Variants in BCKDHB observed in about 807,000 individuals in gnomAD.
BCKDHB encodes the protein branched chain keto acid dehydrogenase E1 subunit beta.
A neutral mutation model predicts 48.5 loss-of-function variants in BCKDHB; 41 were observed. The ratio of observed to expected loss-of-function variants is 0.85; its 90% CI spans 0.66 to 1.10. BCKDHB has a LOEUF of 1.10. Ranked by LOEUF, BCKDHB falls within the 50% of genes least tolerant of loss-of-function variation. The probability of loss-of-function intolerance (pLI) is 0.00; values close to 1 mark genes in which losing one functional copy is unlikely to be tolerated. For missense variants in BCKDHB, 496 were observed against 494.2 expected (o/e 1.00, Z -0.03); for synonymous variants, 201 against 174.8 (o/e 1.15, Z -1.18).
At chr6:80,386,692 A>G in the BCKDHB span, among the ~76,000 whole-genome samples, 1 of 152,238 alleles carries the variant, frequency 6.6e-6, no homozygotes, top group South Asian at 2.1e-4. Context: ...CAATCAGAAT[A>G]GTAGGACTTG....
intron 8 of BCKDHB, among the ~76,000 whole-genome samples, chr6:80,254,594 G>A (rs1419820054): frequency 1.3e-5 from 2 of 152,112 alleles, no homozygotes; most frequent in African/African-American, 4.8e-5. Flanking sequence ...CATCTACTCT[G>A]TAGGTTGAGG....
intron 3 of BCKDHB, among the ~76,000 whole-genome samples, chr6:80,142,800 T>G (rs1401995914): frequency 6.6e-6 from 1 of 152,126 alleles, no homozygotes; most frequent in Admixed American, 6.6e-5. Context: ...GTGAAGGAAT[T>G]AAAAATGGGC....
rs926731 is a variant in BCKDHB, at chr6:80,344,108, G to A, written c.*304G>A. On this transcript the variant is annotated 3_prime_UTR_variant, in exon 10 of 10. Transcript: ENST00000320393. ...CTCCCCCCTACCCCTGAGTTCAAGC[G>A]ATTCTCCTGCCTCAGCCTGCTGAGT... The A allele has an allele frequency of 0.78, 297,014 of 379,764 alleles. 117,451 individuals are homozygous for A. Among genetic ancestry groups the A allele is most frequent in the Admixed American group, 0.84 (22,163 of 26,362 alleles). The allele number at this position is 379,764 out of a possible 1,614,324, so 23.5% of individuals were successfully genotyped here.
intron 6 of BCKDHB, among the ~76,000 whole-genome samples, chr6:80,180,833 T>C (rs1228442366): frequency 2.6e-5 from 4 of 152,240 alleles, no homozygotes; most frequent in Non-Finnish European, 5.9e-5. Context: ...CAGATTAATT[T>C]GTGCGGGTTA....
At chr6:80,315,429 A>C (rs1330356300) in intron 9 of BCKDHB, among the ~76,000 whole-genome samples, 1 of 151,696 alleles carries the variant, frequency 6.6e-6, no homozygotes, top group East Asian at 1.9e-4. Flanking sequence ...ACCTCACCAT[A>C]CTTTTCTTCA....
chr6:80,311,740 G>T (rs1378872546), intron 9 of BCKDHB, among the ~76,000 whole-genome samples: 1 of 152,104 alleles, frequency 6.6e-6, no homozygotes, highest in African/African-American at 2.4e-5. Flanking sequence ...TGTTATAGGT[G>T]TGTGGTTCTA....
chr6:80,431,387 G>T, the BCKDHB span, among the ~76,000 whole-genome samples: 1 of 152,138 alleles, frequency 6.6e-6, no homozygotes, highest in East Asian at 1.9e-4. Flanking sequence ...TTAATTTTCT[G>T]TCTCATTGAT....
intron 3 of BCKDHB, among the ~76,000 whole-genome samples, chr6:80,165,426 G>T (rs148191757): frequency 1.1e-4 from 17 of 152,096 alleles, no homozygotes; most frequent in Non-Finnish European, 1.8e-4. Flanking sequence ...TGTCTGGTCG[G>T]CATTTCCCAA....
the BCKDHB span, among the ~76,000 whole-genome samples, chr6:80,460,374 G>A: frequency 6.6e-6 from 1 of 152,082 alleles, no homozygotes; most frequent in East Asian, 1.9e-4. Context: ...CTAATGCAGA[G>A]GCACTTGCTT....
At chr6:80,280,522 A>G (rs1159286106) in intron 9 of BCKDHB, among the ~76,000 whole-genome samples, 1 of 152,116 alleles carries the variant, frequency 6.6e-6, no homozygotes, top group African/African-American at 2.4e-5. Context: ...ATAGTGGAGC[A>G]TAAATAGAAA....
the BCKDHB span, chr6:80,374,293 G>A: frequency 3.2e-6 from 3 of 935,728 alleles, no homozygotes; most frequent in Admixed American, 5.2e-5. Context: ...TTAAGCATGT[G>A]CAGCAAAAAT....
rs1295335474 is a variant in BCKDHB at position 80,127,435 on chromosome 6, AAT to A, written c.197-109_197-108del. 27 of 867,116 alleles carry A rather than the reference AAT, an allele frequency of 3.1e-5. No individual in the cohort carries two copies. In the East Asian group the frequency reaches 6.2e-4, roughly 20 times the overall value. The allele number at this position is 867,116 out of a possible 1,614,324, so 53.7% of individuals were successfully genotyped here. A position where few individuals can be genotyped will look rare whatever the true frequency, so the allele number is the denominator to read the frequency against. ...TTGTAAATAATTCAGCAATTTGCAT[AAT>A]ATCTTTCTTTGTACCTTGATTTTAG... On this transcript the variant is annotated intron_variant, in intron 1 of 9. Coordinates refer to ENST00000320393, the MANE Select transcript of BCKDHB (RefSeq NM_183050.4).
At chr6:80,146,424 C>G (rs1213911869) in intron 3 of BCKDHB, among the ~76,000 whole-genome samples, 1 of 152,104 alleles carries the variant, frequency 6.6e-6, no homozygotes, top group Non-Finnish European at 1.5e-5. Flanking sequence ...AAAATGGCAA[C>G]TGAGACTTCT....
chr6:80,139,432 T>C (rs1771068756), intron 3 of BCKDHB, among the ~76,000 whole-genome samples: 1 of 152,144 alleles, frequency 6.6e-6, no homozygotes, highest in Non-Finnish European at 1.5e-5. Context: ...TTTTTATGGT[T>C]TTAGGTCTAA....
intron 9 of BCKDHB, among the ~76,000 whole-genome samples, chr6:80,337,466 G>A (rs1251305497): frequency 6.6e-6 from 1 of 151,964 alleles, no homozygotes; most frequent in Non-Finnish European, 1.5e-5. Flanking sequence ...GGACTAAATG[G>A]TGTTCCAATT....
intron 8 of BCKDHB, among the ~76,000 whole-genome samples, chr6:80,242,807 A>G (rs973530259): frequency 6.6e-6 from 1 of 152,072 alleles, no homozygotes; most frequent in African/African-American, 2.4e-5. Flanking sequence ...CTGGGGTATA[A>G]TAGTCCACTG....
At position 80,189,290 on chromosome 6, in the gene BCKDHB, G is replaced by A. The variant is rs571134659; in HGVS notation, c.743-11644G>A. Among the ~76,000 whole-genome samples, 4 of 152,168 alleles carry A rather than the reference G, an allele frequency of 2.6e-5. No individual in the cohort carries two copies. In the East Asian group the frequency reaches 7.7e-4, roughly 29 times the overall value. Reference sequence around the variant, plus strand: ...AGTTCAAGTGACTTAAATGCACTGAGCATCCAGCTGAGGTTAAAAATTTAC... The same window carrying A: ...AGTTCAAGTGACTTAAATGCACTGAACATCCAGCTGAGGTTAAAAATTTAC... On this transcript the variant is annotated intron_variant, in intron 6 of 9. Transcript: ENST00000320393.
chr6:80,260,721 C>T (rs1229747639), intron 8 of BCKDHB, among the ~76,000 whole-genome samples: 2 of 152,096 alleles, frequency 1.3e-5, no homozygotes, highest in African/African-American at 4.8e-5. Context: ...ACCACTGGGT[C>T]TGCTTTGCTA....
intron 3 of BCKDHB, among the ~76,000 whole-genome samples, chr6:80,137,728 G>T (rs1770959905): frequency 6.6e-6 from 1 of 151,918 alleles, no homozygotes. Flanking sequence ...TGGAGACCTA[G>T]AATGCTGCTA....
Sources: gnomAD v4.1 joint callset for allele counts (sites outside exome capture counted in the v4.1 genomes callset) on GRCh38, gnomAD v4.1.1 for gene constraint, MANE v1.5 for transcripts, NCBI Gene and HGNC (gene_info 2026-07-23, HGNC 2026-07-21) for gene names.